RPL5: variants seen among roughly 807,000 people sequenced by gnomAD.
RPL5 encodes ribosomal protein L5, also known as large ribosomal subunit protein uL18.
A neutral mutation model predicts 38.4 loss-of-function variants in RPL5; 1 was observed. The ratio of observed to expected loss-of-function variants is 0.03; its 90% CI spans 0.01 to 0.12. The LOEUF is 0.12. Ranked by LOEUF, RPL5 falls within the 10% of genes least tolerant of loss-of-function variation. The probability of loss-of-function intolerance (pLI) is 1.00; values close to 1 mark genes in which losing one functional copy is unlikely to be tolerated. For missense variants in RPL5, 243 were observed against 374.1 expected, an observed-to-expected ratio of 0.65 and a Z score of 2.89; for synonymous variants, 109 against 121.2, an observed-to-expected ratio of 0.90 and a Z score of 0.66.
chr1:92,840,749 G>T (rs1342919055), intron 7 of RPL5, 110 bp downstream of exon 7: 1 of 846,868 alleles, frequency 1.2e-6, no homozygotes, highest in African/African-American at 1.6e-5. Flanking sequence ...TCTGCGTGAT[G>T]TGGCAGAAGC....
Position 92,833,575 on chromosome 1 carries a change from G to A in RPL5, c.104G>A (p.Arg35His). Residue 35 changes from arginine to histidine, a missense_variant, in exon 3 of 8, where the codon CGC (arginine) becomes CAC (histidine). By Grantham distance (29) the Arg-to-His change is conservative. Coordinates refer to ENST00000370321, the MANE Select transcript of RPL5 (RefSeq NM_000969.5). ...EGKTDYYARK[R>H]LVIQDKNKYN... The stretch of plus-strand genomic sequence containing the variant: ...AAAACTGATTATTATGCTCGGAAAC[G>A]CTTGGTGATACAAGATAAAAATAAA... The A allele has an allele frequency of 6.2e-7, 1 of 1,613,498 alleles. No homozygotes were observed. The highest frequency in any genetic ancestry group is 8.5e-7 in the Non-Finnish European group (1 of 1,179,988).
intron 6 of RPL5, chr1:92,840,343 T>C: frequency 1.9e-6 from 1 of 523,698 alleles, no homozygotes. Context: ...TGGAGTTCTG[T>C]AGTGATAATT....
At chr1:92,838,992 G>A (rs967075710) in intron 6 of RPL5, among the ~76,000 whole-genome samples, 1 of 147,766 alleles carries the variant, frequency 6.8e-6, no homozygotes, top group Non-Finnish European at 1.5e-5. Context: ...GACATAGTCT[G>A]TAGTGGGCTA....
At chr1:92,833,840 C>G (rs190725000) in intron 3 of RPL5, 180 bp downstream of exon 3, 1 of 608,418 alleles carries the variant, frequency 1.6e-6, no homozygotes. Context: ...TTAAAAAATG[C>G]TCTTGGTTGC....
rs750119521 is a variant in RPL5 at position 92,837,439 on chromosome 1, G to T, written c.528-17G>T. The T allele has an allele frequency of 6.2e-7, 1 of 1,604,676 alleles. No homozygotes were observed. The highest frequency in any genetic ancestry group is 1.1e-5 in the South Asian group (1 of 90,840). On this transcript the variant is annotated splice_polypyrimidine_tract_variant and intron_variant, in intron 5 of 7. Coordinates refer to ENST00000370321, the MANE Select transcript of RPL5 (RefSeq NM_000969.5). ...GTTAAGTGAGTCTATACTAAAATATGAATAACTTTATTTTAGTACCAAACG... is the reference window on the plus strand; with the variant it reads ...GTTAAGTGAGTCTATACTAAAATATTAATAACTTTATTTTAGTACCAAACG...
intron 4 of RPL5, 57 bp downstream of exon 4, chr1:92,834,970 T>G (rs1687060004): frequency 6.3e-7 from 1 of 1,598,434 alleles, no homozygotes; most frequent in Non-Finnish European, 8.5e-7. Flanking sequence ...TGGAGAGTTT[T>G]CTGCAAGATG....
intron 3 of RPL5, chr1:92,833,874 T>C: frequency 1.8e-6 from 1 of 553,054 alleles, no homozygotes. Flanking sequence ...ATCCCAGCAC[T>C]TCGGGAAGAT....
chr1:92,841,718 A>G lies in RPL5; in HGVS notation c.795-48A>G, dbSNP rs147661498. 3,407 of 1,194,316 alleles carry G rather than the reference A, an allele frequency of 2.9e-3. 59 individuals are homozygous for G. Among genetic ancestry groups the G allele is most frequent in the South Asian group, 0.025 (1,731 of 69,732 alleles). 74.0% of individuals were successfully genotyped at this position (1,194,316 alleles called of 1,614,324 possible). A position where few individuals can be genotyped will look rare whatever the true frequency, so the allele number is the denominator to read the frequency against. On this transcript the variant is annotated intron_variant, in intron 7 of 7. Coordinates refer to ENST00000370321, the MANE Select transcript of RPL5 (RefSeq NM_000969.5). ...ATTAAAATTTTAAATTAAATATTCT[A>G]TTCTCTTCAGTTATAGTTTAAAAAA...
rs1227379987 is a variant in RPL5 at position 92,833,469 on chromosome 1, C to G, written c.73+11C>G. The G allele has an allele frequency of 2.5e-6, 4 of 1,613,656 alleles. No homozygotes were observed. The highest frequency in any genetic ancestry group is 3.4e-6 in the Non-Finnish European group (4 of 1,179,754). ...TTAGAAGACGACGAGGTACTGTCAC[C>G]TTTTTGTGTTTACAATATTAATCTG... On this transcript the variant is annotated intron_variant, in intron 2 of 7. Transcript: ENST00000370321.
intron 4 of RPL5, among the ~76,000 whole-genome samples, chr1:92,835,765 A>AT (rs1447617305): frequency 1.3e-5 from 2 of 151,202 alleles, no homozygotes; most frequent in African/African-American, 2.4e-5. Flanking sequence ...TGAAGATGGG[A>AT]TTTTGCCTTG....
chr1:92,839,381 A>G (rs145937142), intron 6 of RPL5, among the ~76,000 whole-genome samples: 106 of 152,316 alleles, frequency 7.0e-4, no homozygotes, highest in African/African-American at 2.3e-3. Flanking sequence ...ATTGCCCAAT[A>G]AAATATCTGA....
chr1:92,833,171 A>C, intron 1 of RPL5: 1 of 650,790 alleles, frequency 1.5e-6, no homozygotes, highest in Non-Finnish European at 2.8e-6. Flanking sequence ...TTCTCTAAGG[A>C]TTCATTTTTA....
chr1:92,834,296 T>C (rs1276585569), intron 3 of RPL5, among the ~76,000 whole-genome samples: 1 of 152,234 alleles, frequency 6.6e-6, no homozygotes, highest in Non-Finnish European at 1.5e-5. Flanking sequence ...TAATAAAATG[T>C]ACAAAGGTGG....
At chr1:92,840,517 G>A (rs1038622079) in intron 6 of RPL5, 34 bp from the exon 7 acceptor site, 2 of 1,530,350 alleles carry the variant, frequency 1.3e-6, no homozygotes, top group Admixed American at 1.7e-5. Flanking sequence ...CACATGAAAT[G>A]AAACCAAGTA....
At chr1:92,837,770 T>TA (rs1353150614) in intron 6 of RPL5, 137 bp downstream of exon 6, 5 of 737,996 alleles carry the variant, frequency 6.8e-6, no homozygotes, top group Non-Finnish European at 1.2e-5. Flanking sequence ...ATTCTTTTAG[T>TA]AATCTTTTAG....
At chr1:92,839,360 AAAAAC>A (rs1334678885) in intron 6 of RPL5, among the ~76,000 whole-genome samples, 1 of 152,200 alleles carries the variant, frequency 6.6e-6, no homozygotes, top group Non-Finnish European at 1.5e-5. Context: ...CTTCATGTCA[AAAAAC>A]AAAAAATTGC....
rs1030154355 is a variant in RPL5 at position 92,840,829 on chromosome 1, G to C, written c.794+190G>C. On this transcript the variant is annotated intron_variant, in intron 7 of 7. Transcript: ENST00000370321. ...GTTAGCCTCAGACACTACTGAGGTG[G>C]TTCTTTCTATCCTAGTACAGTCTAA... 5.6e-6 allele frequency: 4 copies of C among 710,738 alleles called. No homozygotes were observed. In the East Asian group the frequency reaches 1.1e-4, roughly 19 times the overall value. The allele number at this position is 710,738 out of a possible 1,614,324, so 44.0% of individuals were successfully genotyped here.
intron 4 of RPL5, chr1:92,835,187 TC>T (rs1687069697): frequency 2.0e-6 from 1 of 510,816 alleles, no homozygotes. Context: ...AATTTGAAAA[TC>T]CACTTGTAGC....
At chr1:92,840,701 C>T in intron 7 of RPL5, 62 bp downstream of exon 7, 1 of 1,200,202 alleles carries the variant, frequency 8.3e-7, no homozygotes, top group Non-Finnish European at 1.2e-6. Flanking sequence ...CCACGTGGGG[C>T]AGACTGTTGG....
Sources: gnomAD v4.1 joint callset for allele counts (sites outside exome capture counted in the v4.1 genomes callset) on GRCh38, gnomAD v4.1.1 for gene constraint, MANE v1.5 for transcripts, NCBI Gene and HGNC (gene_info 2026-07-23, HGNC 2026-07-21) for gene names.